The following FHIT variants were observed in gnomAD, a reference collection of about 807,000 sequenced individuals.
FHIT encodes the protein bis(5'-adenosyl)-triphosphatase.
Under a neutral mutation model 17.9 loss-of-function variants are expected in FHIT, and 19 were observed. That is an observed-to-expected ratio of 1.06 (90% CI 0.74 to 1.56). The LOEUF is 1.56. FHIT is among the 40% of genes most tolerant of loss of function. The pLI, the probability that FHIT is intolerant of heterozygous loss-of-function variation, is 0.00. For missense variants in FHIT, 248 were observed against 189.2 expected, an observed-to-expected ratio of 1.31 and a Z score of -1.82; for synonymous variants, 81 against 69.7, an observed-to-expected ratio of 1.16 and a Z score of -0.81.
chr3:59,861,567 A>C (rs1454131671), intron 8 of FHIT, among the ~76,000 whole-genome samples: 1 of 152,208 alleles, frequency 6.6e-6, no homozygotes, highest in Non-Finnish European at 1.5e-5. Context: ...CTAACTAAAA[A>C]TATTCCCTCC....
At chr3:60,401,852 C>T (rs567827694) in intron 5 of FHIT, among the ~76,000 whole-genome samples, 1 of 152,244 alleles carries the variant, frequency 6.6e-6, no homozygotes, top group South Asian at 2.1e-4. Flanking sequence ...CATAATCTTG[C>T]AGATTGGTCC....
At chr3:61,065,409 T>C (rs1211810892) in intron 2 of FHIT, among the ~76,000 whole-genome samples, 2 of 152,198 alleles carry the variant, frequency 1.3e-5, no homozygotes, top group Non-Finnish European at 2.9e-5. Context: ...GTTTTGTTTT[T>C]GCATGTGAAT....
Position 60,453,847 on chromosome 3 carries a change from G to C in FHIT, c.103+83013C>G, listed in dbSNP as rs185003185. Among the ~76,000 whole-genome samples the C allele has an allele frequency of 3.0e-4, 45 of 152,200 alleles. 1 individual carries two copies. In the Middle Eastern group the frequency reaches 0.01, roughly 35 times the overall value. On this transcript the variant is annotated intron_variant, in intron 5 of 9. Coordinates refer to ENST00000492590, the MANE Select transcript of FHIT (RefSeq NM_002012.4). ...TGTCACAATAAGCTATATAAAGCAT[G>C]CTAATAAGAACACTGAGGAAAAGCA...
At chr3:60,850,110 G>A (rs1231835117) in intron 3 of FHIT, among the ~76,000 whole-genome samples, 1 of 151,916 alleles carries the variant, frequency 6.6e-6, no homozygotes, top group African/African-American at 2.4e-5. Context: ...TCTTAAGCAT[G>A]CTATTTGCTT....
chr3:59,800,519 G>C (rs1048454245), intron 8 of FHIT, among the ~76,000 whole-genome samples: 1 of 152,316 alleles, frequency 6.6e-6, no homozygotes, highest in Non-Finnish European at 1.5e-5. Context: ...TCCTGGTTCA[G>C]AGAGTTACAA....
intron 5 of FHIT, among the ~76,000 whole-genome samples, chr3:60,113,042 G>A (rs1257494579): frequency 1.3e-5 from 2 of 152,164 alleles, no homozygotes; most frequent in African/African-American, 4.8e-5. Flanking sequence ...TCTAATCATT[G>A]AGGGCTTTCC....
chr3:60,704,726 A>G (rs1185734718), intron 4 of FHIT, among the ~76,000 whole-genome samples: 2 of 152,176 alleles, frequency 1.3e-5, no homozygotes, highest in Non-Finnish European at 2.9e-5. Context: ...AAGTGATCCA[A>G]TTCTGTCAGG....
At chr3:61,190,937 G>C (rs187345256) in intron 2 of FHIT, among the ~76,000 whole-genome samples, 8 of 127,176 alleles carry the variant, frequency 6.3e-5, no homozygotes, top group Non-Finnish European at 1.3e-4. Context: ...GTTGTGGGGT[G>C]GGGGGAGGGA....
intron 2 of FHIT, among the ~76,000 whole-genome samples, chr3:61,125,527 A>T (rs1438634175): frequency 6.6e-6 from 1 of 152,226 alleles, no homozygotes; most frequent in African/African-American, 2.4e-5. Context: ...AGGTAGCAGG[A>T]ACTCTCTAGA....
intron 3 of FHIT, among the ~76,000 whole-genome samples, chr3:60,843,272 A>C (rs1177420850): frequency 3.3e-5 from 5 of 152,176 alleles, no homozygotes; most frequent in Non-Finnish European, 7.4e-5. Flanking sequence ...CAGAGGCTGG[A>C]AAGTCTCATA....
intron 3 of FHIT, among the ~76,000 whole-genome samples, chr3:60,998,732 A>C (rs1036069010): frequency 6.6e-6 from 1 of 152,144 alleles, no homozygotes; most frequent in African/African-American, 2.4e-5. Context: ...ATGCATTTAC[A>C]TTTTATTAGG....
chr3:60,164,886 C>A (rs1701100465), intron 5 of FHIT, among the ~76,000 whole-genome samples: 1 of 152,178 alleles, frequency 6.6e-6, no homozygotes, highest in Admixed American at 6.5e-5. Context: ...TTCCCTATGG[C>A]TCTGTCCTGT....
intron 4 of FHIT, among the ~76,000 whole-genome samples, chr3:60,716,205 G>A (rs192359013): frequency 5.9e-5 from 9 of 151,846 alleles, no homozygotes; most frequent in East Asian, 5.8e-4. Flanking sequence ...AGATCACACC[G>A]CTACACTCCA....
intron 3 of FHIT, among the ~76,000 whole-genome samples, chr3:60,914,881 A>G (rs1321567162): frequency 2.0e-5 from 3 of 152,246 alleles, no homozygotes; most frequent in Non-Finnish European, 4.4e-5. Context: ...TTGTGTAGGA[A>G]CTAACACTTT....
At chr3:59,990,168 G>T (rs947638955) in intron 7 of FHIT, among the ~76,000 whole-genome samples, 1 of 151,864 alleles carries the variant, frequency 6.6e-6, no homozygotes, top group Non-Finnish European at 1.5e-5. Flanking sequence ...ATGTATTTTC[G>T]AAAAGTATCT....
At chr3:60,535,429 C>T (rs1171930239) in intron 5 of FHIT, among the ~76,000 whole-genome samples, 2 of 152,104 alleles carry the variant, frequency 1.3e-5, no homozygotes, top group African/African-American at 4.8e-5. Context: ...AATTTACAGA[C>T]ATTTTGCTTT....
intron 2 of FHIT, among the ~76,000 whole-genome samples, chr3:61,052,239 C>T (rs2034053792): frequency 6.6e-6 from 1 of 152,224 alleles, no homozygotes; most frequent in Non-Finnish European, 1.5e-5. Flanking sequence ...AACCCTGATG[C>T]AGTAACTCTG....
Position 61,241,733 on chromosome 3 carries a change from T to C in FHIT, c.-213+9568A>G, listed in dbSNP as rs964584675. 5.9e-5 allele frequency among the ~76,000 whole-genome samples: 9 copies of C among 152,126 alleles called. 1 individual carries two copies. Among genetic ancestry groups the C allele is most frequent in the Admixed American group, 6.5e-5 (1 of 15,268 alleles). ...ATAACAAAGAACACTAATAAACACT[T>C]AAAAAGACTCAGCAAGAGTCTTTAA... On this transcript the variant is annotated intron_variant, in intron 1 of 9. Coordinates refer to ENST00000492590, the MANE Select transcript of FHIT (RefSeq NM_002012.4).
intron 3 of FHIT, among the ~76,000 whole-genome samples, chr3:60,899,202 G>A (rs1052652326): frequency 6.6e-6 from 1 of 152,152 alleles, no homozygotes; most frequent in Non-Finnish European, 1.5e-5. Flanking sequence ...GATATTTGGT[G>A]TGTGAAGCTT....
Sources: allele counts gnomAD v4.1 joint callset (sites outside exome capture counted in the v4.1 genomes callset), GRCh38; gene constraint gnomAD v4.1.1; transcripts MANE v1.5; gene names NCBI Gene and HGNC (gene_info 2026-07-23, HGNC 2026-07-21).